The following NEDD4L variants were observed in gnomAD, a reference collection of about 807,000 sequenced individuals.
NEDD4L encodes the protein E3 ubiquitin-protein ligase NEDD4-like.
In NEDD4L, 54 loss-of-function variants were observed where a neutral mutation model predicts 148.9. That is an observed-to-expected ratio of 0.36 (90% CI 0.29 to 0.45). NEDD4L has a LOEUF of 0.45. Ranked by LOEUF, NEDD4L falls within the 20% of genes least tolerant of loss-of-function variation. NEDD4L has a pLI of 1.00. For synonymous variants in NEDD4L, 433 were observed against 440.7 expected, an observed-to-expected ratio of 0.98 and a Z score of 0.22; for missense variants, 856 against 1,233.8, an observed-to-expected ratio of 0.69 and a Z score of 4.59.
chr18:58,243,234 A>G (rs1193637805), intron 2 of NEDD4L, among the ~76,000 whole-genome samples: 1 of 152,202 alleles, frequency 6.6e-6, no homozygotes, highest in Non-Finnish European at 1.5e-5. Context: ...GGTATTCTTT[A>G]TAACTGTGGA....
At chr18:58,065,408 G>A (rs1287727405) in intron 1 of NEDD4L, among the ~76,000 whole-genome samples, 1 of 152,212 alleles carries the variant, frequency 6.6e-6, no homozygotes, top group Non-Finnish European at 1.5e-5. Flanking sequence ...CTATGCTGCT[G>A]GTGTCTCAGC....
intron 1 of NEDD4L, among the ~76,000 whole-genome samples, chr18:58,111,685 A>G (rs945803593): frequency 1.2e-4 from 18 of 152,330 alleles, no homozygotes; most frequent in Admixed American, 2.6e-4. Context: ...TATGGTTTCT[A>G]GAGATGGAAG....
chr18:58,185,091 A>G (rs946185303), intron 2 of NEDD4L, among the ~76,000 whole-genome samples: 5 of 152,164 alleles, frequency 3.3e-5, no homozygotes, highest in South Asian at 2.1e-4. Context: ...CTCTCAAGGC[A>G]CTGTACTTGT....
At chr18:58,390,841 C>CT (rs1446738303) in intron 29 of NEDD4L, 99 bp downstream of exon 29, 7 of 826,100 alleles carry the variant, frequency 8.5e-6, no homozygotes, top group Non-Finnish European at 1.2e-5. Flanking sequence ...CTGCAGAAGG[C>CT]TAAGTTTCAG....
intron 2 of NEDD4L, among the ~76,000 whole-genome samples, chr18:58,174,339 G>T (rs1304288421): frequency 2.0e-5 from 3 of 152,034 alleles, no homozygotes; most frequent in African/African-American, 7.3e-5. Flanking sequence ...GGAAAGGGTG[G>T]GCAGACAGGA....
At chr18:58,142,816 A>G (rs1251704105) in intron 1 of NEDD4L, among the ~76,000 whole-genome samples, 4 of 149,836 alleles carry the variant, frequency 2.7e-5, no homozygotes, top group Non-Finnish European at 5.9e-5. Context: ...ATTGCAGTGT[A>G]TAGACCTCAC....
chr18:58,291,742 T>C (rs1017715542), intron 5 of NEDD4L, among the ~76,000 whole-genome samples: 96 of 152,316 alleles, frequency 6.3e-4, no homozygotes, highest in African/African-American at 2.2e-3. Flanking sequence ...ACAAAACATT[T>C]GCCACTTTTA....
At chr18:58,314,214 C>T (rs1049954872) in intron 5 of NEDD4L, among the ~76,000 whole-genome samples, 1 of 152,096 alleles carries the variant, frequency 6.6e-6, no homozygotes, top group Admixed American at 6.6e-5. Flanking sequence ...GTCAGATGTT[C>T]GAGACCAGCC....
At chr18:58,085,733 T>G (rs2083727757) in intron 1 of NEDD4L, among the ~76,000 whole-genome samples, 1 of 152,224 alleles carries the variant, frequency 6.6e-6, no homozygotes, top group Admixed American at 6.5e-5. Context: ...TTTAAACAGC[T>G]TTCATAGCTC....
At chr18:58,229,029 C>A (rs1428426362) in intron 2 of NEDD4L, among the ~76,000 whole-genome samples, 1 of 152,184 alleles carries the variant, frequency 6.6e-6, no homozygotes, top group Non-Finnish European at 1.5e-5. Flanking sequence ...CCCAGGCAAT[C>A]CCTGTGCACG....
intron 5 of NEDD4L, among the ~76,000 whole-genome samples, chr18:58,300,943 A>G (rs17064735): frequency 0.18 from 28,010 of 152,172 alleles, 2,745 homozygotes; most frequent in Non-Finnish European, 0.19. Context: ...GGAAACTGGT[A>G]TTATTACAGC....
intron 1 of NEDD4L, among the ~76,000 whole-genome samples, chr18:58,075,684 G>T (rs2083119451): frequency 6.6e-6 from 1 of 152,118 alleles, no homozygotes. Context: ...CAAGAGGTTT[G>T]GAAGGCTGAG....
intron 2 of NEDD4L, among the ~76,000 whole-genome samples, chr18:58,210,405 G>A (rs984347978): frequency 1.3e-5 from 2 of 152,188 alleles, no homozygotes; most frequent in African/African-American, 4.8e-5. Context: ...AGTTACCATT[G>A]AGAAAGGCAC....
intron 2 of NEDD4L, among the ~76,000 whole-genome samples, chr18:58,185,989 T>C (rs930294886): frequency 6.6e-6 from 1 of 151,852 alleles, no homozygotes. Flanking sequence ...TATGCACACG[T>C]ACAGAGAAGG....
chr18:58,087,649 C>T (rs940417372), intron 1 of NEDD4L, among the ~76,000 whole-genome samples: 5 of 151,882 alleles, frequency 3.3e-5, no homozygotes, highest in African/African-American at 7.3e-5. Context: ...CCGAGGCGGG[C>T]GGATCACCTG....
intron 28 of NEDD4L, chr18:58,390,381 G>A: frequency 2.9e-6 from 1 of 344,574 alleles, no homozygotes; most frequent in Admixed American, 4.1e-5. Context: ...CATGAGCTTG[G>A]TGCCATCAGA....
At chr18:58,307,709 G>A (rs922462799) in intron 5 of NEDD4L, among the ~76,000 whole-genome samples, 2 of 152,208 alleles carry the variant, frequency 1.3e-5, no homozygotes, top group African/African-American at 2.4e-5. Context: ...CCGGAGATAT[G>A]TGAGGAAGAG....
chr18:58,350,714 A>G (rs1463615011), intron 17 of NEDD4L, among the ~76,000 whole-genome samples: 1 of 152,220 alleles, frequency 6.6e-6, no homozygotes, highest in Non-Finnish European at 1.5e-5. Context: ...GTTCCATGGA[A>G]TGCTGCGGTT....
intron 1 of NEDD4L, among the ~76,000 whole-genome samples, chr18:58,159,669 A>G (rs1252157140): frequency 1.3e-5 from 2 of 152,228 alleles, no homozygotes; most frequent in Non-Finnish European, 2.9e-5. Flanking sequence ...GTCATGGTCC[A>G]TATGCTGGCT....
Sources: allele counts gnomAD v4.1 joint callset (sites outside exome capture counted in the v4.1 genomes callset), GRCh38; gene constraint gnomAD v4.1.1; transcripts MANE v1.5; gene names NCBI Gene and HGNC (gene_info 2026-07-23, HGNC 2026-07-21).